SLC25A21: variants seen among roughly 807,000 people sequenced by gnomAD.
The protein encoded by SLC25A21 is mitochondrial 2-oxodicarboxylate carrier.
Under a neutral mutation model 43.8 loss-of-function variants are expected in SLC25A21, and 47 were observed. The observed-to-expected ratio is 1.07, with a 90% CI of 0.85 to 1.37. The LOEUF (loss-of-function observed/expected upper bound fraction) is 1.37. Among genes scored for constraint, SLC25A21 ranks in the 40% most tolerant of loss-of-function variants. The pLI is 0.00. For synonymous variants in SLC25A21, 131 were observed against 121.3 expected (o/e 1.08, Z -0.52); for missense variants, 352 against 350.2 (o/e 1.00, Z -0.04).
intron 2 of SLC25A21, among the ~76,000 whole-genome samples, chr14:36,824,061 T>A (rs1888731653): frequency 6.6e-6 from 1 of 152,182 alleles, no homozygotes. Flanking sequence ...AGGGGCCCAG[T>A]GAAGGAGTCT....
At chr14:36,939,049 CTGTT>C (rs1377117332) in intron 1 of SLC25A21, among the ~76,000 whole-genome samples, 4 of 152,064 alleles carry the variant, frequency 2.6e-5, no homozygotes, top group Non-Finnish European at 5.9e-5. Context: ...AATTATAAAT[CTGTT>C]TGTAATTAAT....
intron 1 of SLC25A21, among the ~76,000 whole-genome samples, chr14:36,876,326 G>T (rs1489344892): frequency 6.6e-6 from 1 of 152,166 alleles, no homozygotes; most frequent in Non-Finnish European, 1.5e-5. Context: ...GCATATGCCT[G>T]CTCTAGGTTG....
intron 2 of SLC25A21, among the ~76,000 whole-genome samples, chr14:36,837,066 T>C (rs1889233521): frequency 1.3e-5 from 2 of 151,966 alleles, no homozygotes; most frequent in South Asian, 4.2e-4. Context: ...GTGTCATATG[T>C]CCCCAGTTTC....
chr14:37,107,419 G>A (rs1316303077), intron 1 of SLC25A21, among the ~76,000 whole-genome samples: 1 of 152,030 alleles, frequency 6.6e-6, no homozygotes, highest in Admixed American at 6.6e-5. Flanking sequence ...CTGGAGTCAA[G>A]CGGTCCTCCC....
chr14:36,750,508 G>T (rs2139258406), intron 3 of SLC25A21, among the ~76,000 whole-genome samples: 1 of 152,186 alleles, frequency 6.6e-6, no homozygotes, highest in East Asian at 1.9e-4. Context: ...TATTCTCCTG[G>T]TTGTATGAGA....
chr14:36,738,035 T>C (rs1885112834), intron 3 of SLC25A21, among the ~76,000 whole-genome samples: 1 of 152,226 alleles, frequency 6.6e-6, no homozygotes, highest in Non-Finnish European at 1.5e-5. Flanking sequence ...CCCAGAGCCC[T>C]GGATCCAGAA....
intron 1 of SLC25A21, among the ~76,000 whole-genome samples, chr14:37,143,781 T>C (rs1264497667): frequency 6.6e-6 from 1 of 152,186 alleles, no homozygotes; most frequent in African/African-American, 2.4e-5. Flanking sequence ...GTTTATTCTG[T>C]AAGTGGTTCA....
intron 1 of SLC25A21, among the ~76,000 whole-genome samples, chr14:37,056,579 A>G (rs1312288421): frequency 1.3e-5 from 2 of 151,920 alleles, no homozygotes; most frequent in African/African-American, 4.8e-5. Flanking sequence ...ACACATCTCC[A>G]TATTGTACAC....
chr14:36,682,346 TCA>T (rs1882314281), intron 9 of SLC25A21, among the ~76,000 whole-genome samples: 1 of 152,152 alleles, frequency 6.6e-6, no homozygotes, highest in East Asian at 1.9e-4. Flanking sequence ...TCCCAGATAT[TCA>T]CAGTTTGGCT....
chr14:37,005,778 C>T (rs1594748723), intron 1 of SLC25A21, among the ~76,000 whole-genome samples: 1 of 152,126 alleles, frequency 6.6e-6, no homozygotes, highest in Non-Finnish European at 1.5e-5. Flanking sequence ...GCACCACACA[C>T]AAAATGGAAA....
chr14:36,760,061 A>G (rs750556553), intron 3 of SLC25A21, among the ~76,000 whole-genome samples: 1 of 152,094 alleles, frequency 6.6e-6, no homozygotes, highest in Non-Finnish European at 1.5e-5. Context: ...TTTCCCATGC[A>G]TGCTTTCTCT....
intron 2 of SLC25A21, among the ~76,000 whole-genome samples, chr14:36,872,107 A>G (rs1487177502): frequency 2.0e-5 from 3 of 152,216 alleles, no homozygotes; most frequent in African/African-American, 4.8e-5. Flanking sequence ...ATTAGATTGG[A>G]GGATTATCAT....
At chr14:37,003,465 A>AG (rs780262210) in intron 1 of SLC25A21, among the ~76,000 whole-genome samples, 3 of 152,174 alleles carry the variant, frequency 2.0e-5, no homozygotes, top group South Asian at 2.1e-4. Context: ...TGCGGATAAG[A>AG]GGGGGGGACT....
chr14:36,679,937 T>C lies in SLC25A21; in HGVS notation c.*721A>G. On this transcript the variant is annotated 3_prime_UTR_variant, in exon 10 of 10. Coordinates refer to ENST00000331299, the MANE Select transcript of SLC25A21 (RefSeq NM_030631.4). ...TTAGAAGAGATTTGGAATACCTTGA[T>C]TTAAACATGCTTAAACAACAGTGTT... is the stretch of plus-strand genomic sequence containing the variant. 1.1e-6 allele frequency: 1 copy of C among 905,444 alleles called. No individual in the cohort carries two copies. The allele number at this position is 905,444 out of a possible 1,614,324, so 56.1% of individuals were successfully genotyped here.
At chr14:36,732,298 C>T (rs749609223) in intron 4 of SLC25A21, among the ~76,000 whole-genome samples, 4 of 151,818 alleles carry the variant, frequency 2.6e-5, no homozygotes, top group Admixed American at 6.6e-5. Context: ...AGTTTATAAT[C>T]TCTTGTGAAT....
intron 1 of SLC25A21, among the ~76,000 whole-genome samples, chr14:37,038,932 C>T (rs1012096581): frequency 1.3e-5 from 2 of 152,152 alleles, no homozygotes; most frequent in Admixed American, 6.5e-5. Flanking sequence ...CGACACCATA[C>T]AGGCCACATA....
intron 1 of SLC25A21, among the ~76,000 whole-genome samples, chr14:36,931,684 C>T (rs1481459507): frequency 6.6e-6 from 1 of 152,142 alleles, no homozygotes; most frequent in African/African-American, 2.4e-5. Context: ...AGACAGAAAG[C>T]AGAGAAGAGC....
At chr14:36,897,662 G>A (rs2138592687) in intron 1 of SLC25A21, among the ~76,000 whole-genome samples, 1 of 152,206 alleles carries the variant, frequency 6.6e-6, no homozygotes, top group African/African-American at 2.4e-5. Flanking sequence ...CCATTTTGTG[G>A]TTTTATCTAC....
intron 2 of SLC25A21, among the ~76,000 whole-genome samples, chr14:36,848,396 G>A (rs1470215490): frequency 1.3e-5 from 2 of 152,096 alleles, no homozygotes; most frequent in African/African-American, 4.8e-5. Flanking sequence ...CAACCAAATG[G>A]ATCCCAAAGC....
Sources: allele counts gnomAD v4.1 joint callset (sites outside exome capture counted in the v4.1 genomes callset), GRCh38; gene constraint gnomAD v4.1.1; transcripts MANE v1.5; gene names NCBI Gene and HGNC (gene_info 2026-07-23, HGNC 2026-07-21).